Variants in CTNNA2 observed in about 807,000 individuals in gnomAD.
CTNNA2 encodes catenin alpha-2.
Under a neutral mutation model 101.0 loss-of-function variants are expected in CTNNA2, and 42 were observed. The observed-to-expected ratio is 0.42, with a 90% CI of 0.32 to 0.54. The LOEUF is 0.54. CTNNA2 is among the 20% of genes least tolerant of loss of function. The pLI, the probability that CTNNA2 is intolerant of heterozygous loss-of-function variation, is 0.14. For synonymous variants in CTNNA2, 450 were observed against 456.4 expected (o/e 0.99, Z 0.18); for missense variants, 871 against 1,223.1 (o/e 0.71, Z 4.29).
At chr2:80,006,722 G>A (rs943190953) in intron 7 of CTNNA2, among the ~76,000 whole-genome samples, 2 of 152,164 alleles carry the variant, frequency 1.3e-5, no homozygotes, top group Non-Finnish European at 2.9e-5. Context: ...TGTTCTTCTT[G>A]TGGGCACTAC....
intron 3 of CTNNA2, among the ~76,000 whole-genome samples, chr2:79,749,667 G>A (rs1261967226): frequency 2.0e-5 from 3 of 152,114 alleles, no homozygotes; most frequent in Admixed American, 6.5e-5. Context: ...TTGGCAGTTT[G>A]GCTAAGATAT....
At chr2:80,591,457 G>GTTTTTTTTATTTTTTT (rs1696487997) in intron 15 of CTNNA2, among the ~76,000 whole-genome samples, 1 of 70,314 alleles carries the variant, frequency 1.4e-5, no homozygotes, top group Non-Finnish European at 3.0e-5. Flanking sequence ...TGCACAGCCT[G>GTTTTTTTTATTTTTTT]TTTTTTTTTT....
In CTNNA2 at chr2:80,302,902, C is replaced by A; in HGVS notation, c.1057-90309C>A. The stretch of plus-strand genomic sequence containing the variant: ...GGTTCCCGGCCAGGGTGATGCTTGT[C>A]AGGGACTTCCAAGAGTTGAGGATCC... On this transcript the variant is annotated intron_variant, in intron 7 of 18. Coordinates refer to ENST00000402739, the MANE Select transcript of CTNNA2 (RefSeq NM_001282597.3). This position sits in a 1 kb window ranked among gnomAD's most constrained non-coding sequence, Gnocchi z 6.4. 1 of 1,614,118 alleles carries A rather than the reference C, an allele frequency of 6.2e-7. No individual in the cohort carries two copies. Among genetic ancestry groups the A allele is most frequent in the Non-Finnish European group, 8.5e-7 (1 of 1,180,024 alleles).
intron 7 of CTNNA2, among the ~76,000 whole-genome samples, chr2:79,953,178 C>G (rs192147705): frequency 1.1e-4 from 17 of 152,184 alleles, no homozygotes; most frequent in African/African-American, 4.1e-4. Flanking sequence ...CACCACTCTT[C>G]CTAGTGAGTT....
At chr2:79,563,437 TTC>T (rs1001426623) in intron 1 of CTNNA2, among the ~76,000 whole-genome samples, 17 of 152,130 alleles carry the variant, frequency 1.1e-4, no homozygotes, top group African/African-American at 4.1e-4. Flanking sequence ...AGTTAGTTGT[TTC>T]TCTTTCAGGT....
intron 9 of CTNNA2, among the ~76,000 whole-genome samples, chr2:80,427,667 G>A (rs1163979716): frequency 6.6e-6 from 1 of 152,208 alleles, no homozygotes; most frequent in Non-Finnish European, 1.5e-5. Context: ...GAAATTCAGG[G>A]CTTGGAAGTC....
intron 2 of CTNNA2, among the ~76,000 whole-genome samples, chr2:79,209,326 C>G (rs1674140282): frequency 6.6e-6 from 1 of 152,166 alleles, no homozygotes; most frequent in South Asian, 2.1e-4. Flanking sequence ...ACTGGATAGA[C>G]AGGCAAATTT....
chr2:80,620,386 GA>G (rs941775371), intron 18 of CTNNA2, among the ~76,000 whole-genome samples: 5 of 151,688 alleles, frequency 3.3e-5, no homozygotes, highest in Admixed American at 2.6e-4. Context: ...ATAAATCCCT[GA>G]CCCCCAAAGT....
At chr2:79,422,068 G>A (rs747969868) in intron 4 of CTNNA2, among the ~76,000 whole-genome samples, 3 of 152,036 alleles carry the variant, frequency 2.0e-5, no homozygotes, top group Non-Finnish European at 4.4e-5. Flanking sequence ...CAGGAGAATC[G>A]CTTGAACCTG....
At chr2:79,993,324 A>G (rs1692311754) in intron 7 of CTNNA2, among the ~76,000 whole-genome samples, 1 of 152,100 alleles carries the variant, frequency 6.6e-6, no homozygotes, top group South Asian at 2.1e-4. Context: ...CTTCACTGCT[A>G]ATTGGCCTGT....
chr2:80,116,982 G>A (rs554887401), intron 7 of CTNNA2, among the ~76,000 whole-genome samples: 12 of 149,730 alleles, frequency 8.0e-5, no homozygotes, highest in African/African-American at 3.0e-4. Flanking sequence ...TTAACATAAG[G>A]CTAGACATAC....
At chr2:79,316,193 T>C (rs1676492486) in intron 3 of CTNNA2, among the ~76,000 whole-genome samples, 1 of 152,074 alleles carries the variant, frequency 6.6e-6, no homozygotes, top group South Asian at 2.1e-4. Context: ...GCACCATTTA[T>C]TGAAAATATA....
chr2:80,269,986 G>A (rs1673330861), intron 7 of CTNNA2, among the ~76,000 whole-genome samples: 1 of 152,068 alleles, frequency 6.6e-6, no homozygotes, highest in Non-Finnish European at 1.5e-5. Context: ...AATAAACCAG[G>A]GGCTGTAAAC....
chr2:80,516,849 G>T (rs752881006), intron 9 of CTNNA2, among the ~76,000 whole-genome samples: 4 of 152,122 alleles, frequency 2.6e-5, no homozygotes, highest in Non-Finnish European at 5.9e-5. Flanking sequence ...CTTACCTAAT[G>T]GTGTTCTTTT....
At chr2:80,216,698 C>T (rs756756566) in intron 7 of CTNNA2, among the ~76,000 whole-genome samples, 17 of 152,266 alleles carry the variant, frequency 1.1e-4, no homozygotes, top group South Asian at 6.2e-4. Context: ...GCCTCCAGAA[C>T]GGTGAGAAAC....
At chr2:80,223,999 T>C (rs546138605) in intron 7 of CTNNA2, among the ~76,000 whole-genome samples, 1 of 152,306 alleles carries the variant, frequency 6.6e-6, no homozygotes, top group South Asian at 2.1e-4. Context: ...TAGTGTGCCA[T>C]TGGCACTCAG....
chr2:79,243,216 TA>T (rs1391383163), intron 2 of CTNNA2, among the ~76,000 whole-genome samples: 1 of 152,094 alleles, frequency 6.6e-6, no homozygotes, highest in Non-Finnish European at 1.5e-5. Flanking sequence ...GTAGGTGGGC[TA>T]GGGGTGAAAG....
At position 80,546,383 on chromosome 2, in the gene CTNNA2, A is replaced by G. The variant is rs557294009; in HGVS notation, c.1540+320A>G. Among the ~76,000 whole-genome samples, 7 of 152,310 alleles carry G rather than the reference A, an allele frequency of 4.6e-5. No individual in the cohort carries two copies. The East Asian group carries it at 1.4e-3, about 29-fold the overall frequency. On this transcript the variant is annotated intron_variant, in intron 11 of 18. Coordinates refer to ENST00000402739, the MANE Select transcript of CTNNA2 (RefSeq NM_001282597.3). ...CACTCATGTAAAAAAGGGCCAGGGAATATGGGATTCATTAATCTACACAGT... is the reference window on the plus strand; with the variant it reads ...CACTCATGTAAAAAAGGGCCAGGGAGTATGGGATTCATTAATCTACACAGT...
At chr2:80,233,493 G>A (rs890708396) in intron 7 of CTNNA2, among the ~76,000 whole-genome samples, 3 of 151,972 alleles carry the variant, frequency 2.0e-5, no homozygotes, top group African/African-American at 4.8e-5. Context: ...CCTCTTTTGT[G>A]GCATTCCCCC....
Sources: gnomAD v4.1 joint callset for allele counts (sites outside exome capture counted in the v4.1 genomes callset) on GRCh38, gnomAD v4.1.1 for gene constraint, Gnocchi (gnomAD v3.1) non-coding constraint, MANE v1.5 for transcripts, NCBI Gene and HGNC (gene_info 2026-07-23, HGNC 2026-07-21) for gene names.